The following DSCAM variants were observed in gnomAD, a reference collection of about 807,000 sequenced individuals.
DSCAM encodes cell adhesion molecule DSCAM.
A neutral mutation model predicts 217.7 loss-of-function variants in DSCAM; 47 were observed. The ratio of observed to expected loss-of-function variants is 0.22; its 90% CI spans 0.17 to 0.28. The LOEUF is 0.28. DSCAM is among the 10% of genes least tolerant of loss of function. The pLI is 1.00. For synonymous variants in DSCAM, 1,056 were observed against 1,015.3 expected (o/e 1.04, Z -0.76); for missense variants, 2,080 against 2,618.3 (o/e 0.79, Z 4.49).
chr21:40,659,731 C>A (rs2090118725), intron 3 of DSCAM, among the ~76,000 whole-genome samples: 2 of 152,110 alleles, frequency 1.3e-5, no homozygotes, highest in Non-Finnish European at 2.9e-5. Flanking sequence ...TCCATCCACC[C>A]CATTAGGCTG....
chr21:40,794,846 T>C lies in DSCAM; in HGVS notation c.43+51773A>G, dbSNP rs181782956. Among the ~76,000 whole-genome samples the C allele has an allele frequency of 9.2e-4, 138 of 150,034 alleles. 1 individual carries two copies. Among genetic ancestry groups the C allele is most frequent in the South Asian group, 1.9e-3 (9 of 4,700 alleles). ...ACATAAACTTATTGCCTGTCCAAAA[T>C]TGCCTGGACTGATAATCTTCAGGCC... On this transcript the variant is annotated intron_variant, in intron 1 of 32. Transcript: ENST00000400454.
At chr21:40,485,558 C>T (rs968935730) in intron 3 of DSCAM, among the ~76,000 whole-genome samples, 3 of 152,024 alleles carry the variant, frequency 2.0e-5, no homozygotes, top group Admixed American at 6.6e-5. Context: ...GACTTTCTAC[C>T]AGACACAGAA....
chr21:40,801,205 T>G, intron 1 of DSCAM, among the ~76,000 whole-genome samples: 1 of 152,148 alleles, frequency 6.6e-6, no homozygotes, highest in Non-Finnish European at 1.5e-5. Context: ...CCTGCCTTGG[T>G]CTGACACAAG....
At chr21:40,670,485 C>T (rs960327806) in intron 3 of DSCAM, among the ~76,000 whole-genome samples, 2 of 148,304 alleles carry the variant, frequency 1.3e-5, no homozygotes, top group African/African-American at 5.0e-5. Context: ...TTGCAGTGAG[C>T]CGAGATCGCG....
intron 11 of DSCAM, among the ~76,000 whole-genome samples, chr21:40,206,810 C>A (rs915779988): frequency 1.3e-5 from 2 of 152,100 alleles, no homozygotes; most frequent in African/African-American, 4.8e-5. Flanking sequence ...AGCTGGGGGA[C>A]TGAGGTGGGA....
At chr21:40,644,707 T>C (rs1159938018) in intron 3 of DSCAM, among the ~76,000 whole-genome samples, 1 of 152,188 alleles carries the variant, frequency 6.6e-6, no homozygotes, top group African/African-American at 2.4e-5. Context: ...CTGCTCCCAC[T>C]CTGTAGAGTG....
At chr21:40,810,905 T>C (rs1249523681) in intron 1 of DSCAM, among the ~76,000 whole-genome samples, 3 of 150,416 alleles carry the variant, frequency 2.0e-5, no homozygotes, top group Non-Finnish European at 4.4e-5. Flanking sequence ...ACCCTGTCTC[T>C]AAAAAAAATG....
chr21:40,237,383 G>C (rs1438743309), intron 11 of DSCAM, among the ~76,000 whole-genome samples: 2 of 152,122 alleles, frequency 1.3e-5, no homozygotes, highest in African/African-American at 2.4e-5. Context: ...CCCTCTGACA[G>C]GCCCTGGTGT....
intron 2 of DSCAM, among the ~76,000 whole-genome samples, chr21:40,704,341 A>G (rs945105640): frequency 4.6e-5 from 7 of 152,092 alleles, no homozygotes; most frequent in Non-Finnish European, 1.0e-4. Flanking sequence ...AATTTCCCCC[A>G]TATCTTTTCA....
intron 20 of DSCAM, among the ~76,000 whole-genome samples, chr21:40,115,055 T>C (rs113610103): frequency 5.9e-5 from 9 of 152,274 alleles, no homozygotes; most frequent in South Asian, 2.1e-4. Flanking sequence ...CCAGCCATCC[T>C]ATTACTGGGT....
intron 3 of DSCAM, among the ~76,000 whole-genome samples, chr21:40,413,748 C>CA (rs2075344775): frequency 6.6e-6 from 1 of 152,140 alleles, no homozygotes; most frequent in Non-Finnish European, 1.5e-5. Flanking sequence ...ATTATTCACA[C>CA]AAAGATAAAC....
chr21:40,577,534 T>C (rs2076863103), intron 3 of DSCAM, among the ~76,000 whole-genome samples: 1 of 152,086 alleles, frequency 6.6e-6, no homozygotes, highest in Non-Finnish European at 1.5e-5. Context: ...AATATCTTGC[T>C]GGGGCCTCCA....
chr21:40,101,494 G>T (rs1355853058), intron 20 of DSCAM, among the ~76,000 whole-genome samples: 1 of 151,972 alleles, frequency 6.6e-6, no homozygotes, highest in Non-Finnish European at 1.5e-5. Context: ...GGTAGGATGG[G>T]ATGGTCTTGG....
chr21:40,135,561 G>C (rs1305536954), intron 18 of DSCAM, among the ~76,000 whole-genome samples: 3 of 152,208 alleles, frequency 2.0e-5, no homozygotes, highest in African/African-American at 7.2e-5. Flanking sequence ...TGAAAATGGA[G>C]GCACCCACGA....
chr21:40,774,191 TTC>T (rs569382333), intron 1 of DSCAM, among the ~76,000 whole-genome samples: 1 of 152,202 alleles, frequency 6.6e-6, no homozygotes. Context: ...CCAATCTTTT[TTC>T]TCTCTCTCTG....
At chr21:40,505,704 T>A (rs1246930468) in intron 3 of DSCAM, among the ~76,000 whole-genome samples, 1 of 152,196 alleles carries the variant, frequency 6.6e-6, no homozygotes, top group Non-Finnish European at 1.5e-5. Flanking sequence ...AACTTCTAGC[T>A]TCAAATATGC....
chr21:40,800,178 C>T (rs966407154), intron 1 of DSCAM, among the ~76,000 whole-genome samples: 1 of 152,222 alleles, frequency 6.6e-6, no homozygotes, highest in Non-Finnish European at 1.5e-5. Context: ...CAACAAAATG[C>T]AGCCCCTTGA....
chr21:40,200,097 A>G (rs1270944009), intron 11 of DSCAM, among the ~76,000 whole-genome samples: 2 of 147,206 alleles, frequency 1.4e-5, no homozygotes, highest in African/African-American at 5.1e-5. Context: ...GTACATTCTT[A>G]GTCTGTCTTC....
chr21:40,686,857 G>A (rs540431357), intron 3 of DSCAM, among the ~76,000 whole-genome samples: 1 of 152,232 alleles, frequency 6.6e-6, no homozygotes, highest in African/African-American at 2.4e-5. Flanking sequence ...GGTGGCAGCG[G>A]GGTAACATGC....
Sources: allele counts gnomAD v4.1 joint callset (sites outside exome capture counted in the v4.1 genomes callset), GRCh38; gene constraint gnomAD v4.1.1; transcripts MANE v1.5; gene names NCBI Gene and HGNC (gene_info 2026-07-23, HGNC 2026-07-21).